The following CDH18 variants were observed in gnomAD, a reference collection of about 807,000 sequenced individuals.
CDH18 encodes the protein cadherin 18, also known as cadherin-18.
In CDH18, 31 loss-of-function variants were observed where a neutral mutation model predicts 67.9. The ratio of observed to expected loss-of-function variants is 0.46; its 90% CI spans 0.34 to 0.62. The LOEUF is 0.62. CDH18 is among the 20% of genes least tolerant of loss of function. The pLI is 0.01. For synonymous variants in CDH18, 362 were observed against 347.2 expected, an observed-to-expected ratio of 1.04 and a Z score of -0.48; for missense variants, 890 against 975.5, an observed-to-expected ratio of 0.91 and a Z score of 1.17.
At chr5:20,507,113 GC>G (rs1370111226) in intron 1 of CDH18, among the ~76,000 whole-genome samples, 1 of 152,202 alleles carries the variant, frequency 6.6e-6, no homozygotes, top group Non-Finnish European at 1.5e-5. Context: ...ATCTTTGTCA[GC>G]CATGTGAGAG....
intron 2 of CDH18, among the ~76,000 whole-genome samples, chr5:20,251,350 G>A (rs529953622): frequency 1.3e-5 from 2 of 152,070 alleles, no homozygotes; most frequent in East Asian, 3.9e-4. Context: ...CCATAATGAA[G>A]AATAATGCTC....
At position 20,484,084 on chromosome 5, in the gene CDH18, A is replaced by G. The variant is rs143284880; in HGVS notation, c.-580+91378T>C. Among the ~76,000 whole-genome samples the G allele has an allele frequency of 2.5e-3, 387 of 152,200 alleles. 1 individual carries two copies. Among genetic ancestry groups the G allele is most frequent in the African/African-American group, 9.1e-3 (378 of 41,562 alleles). On this transcript the variant is annotated intron_variant, in intron 1 of 14. Transcript: ENST00000507958. ...TATAAGAATAAACAACTCTATAGGAACAAATCTAAGAATCTGAATAAAAAT... is the reference window on the plus strand; with the variant it reads ...TATAAGAATAAACAACTCTATAGGAGCAAATCTAAGAATCTGAATAAAAAT...
intron 2 of CDH18, among the ~76,000 whole-genome samples, chr5:20,130,158 T>C (rs1289382817): frequency 6.6e-6 from 1 of 151,336 alleles, no homozygotes; most frequent in Non-Finnish European, 1.5e-5. Context: ...TCTATACAAA[T>C]ACTCAGATGT....
At chr5:20,526,119 C>T (rs565200408) in intron 1 of CDH18, among the ~76,000 whole-genome samples, 3 of 152,180 alleles carry the variant, frequency 2.0e-5, no homozygotes, top group Admixed American at 6.5e-5. Context: ...GTGGTATTCC[C>T]GACAGGGCAG....
chr5:20,247,015 T>G (rs2973200), intron 2 of CDH18, among the ~76,000 whole-genome samples: 1 of 151,990 alleles, frequency 6.6e-6, no homozygotes, highest in Non-Finnish European at 1.5e-5. Context: ...ACCCCTGATA[T>G]CCTTCTTTCT....
chr5:19,921,907 G>A lies in CDH18; in HGVS notation c.-257+59153C>T, dbSNP rs765660077. On this transcript the variant is annotated intron_variant, in intron 2 of 12. Coordinates refer to ENST00000382275, the MANE Select transcript of CDH18 (RefSeq NM_004934.5). ...AACCCATATAACCAAAGGCTAACTC[G>A]ATGATTTTTTTTTTTAAGTATAAAG... Among the ~76,000 whole-genome samples the A allele has an allele frequency of 1.3e-3, 197 of 150,662 alleles. 1 individual carries two copies. The Middle Eastern group carries it at 0.024, about 18-fold the overall frequency.
At chr5:20,381,081 C>T (rs1275957203) in intron 1 of CDH18, among the ~76,000 whole-genome samples, 1 of 152,018 alleles carries the variant, frequency 6.6e-6, no homozygotes, top group Non-Finnish European at 1.5e-5. Flanking sequence ...CACAGAGAAA[C>T]ACAGGCCATG....
intron 5 of CDH18, among the ~76,000 whole-genome samples, chr5:19,686,903 A>G (rs1761171146): frequency 6.6e-6 from 1 of 152,208 alleles, no homozygotes. Context: ...ACATTACAAC[A>G]CGGGAATAGT....
intron 5 of CDH18, among the ~76,000 whole-genome samples, chr5:19,671,102 G>A (rs1266389884): frequency 2.6e-5 from 4 of 151,940 alleles, no homozygotes; most frequent in Non-Finnish European, 4.4e-5. Context: ...GAGGTTTATA[G>A]GTAAGAAATA....
intron 6 of CDH18, among the ~76,000 whole-genome samples, chr5:19,601,850 C>T (rs968390938): frequency 4.6e-5 from 7 of 151,486 alleles, no homozygotes; most frequent in African/African-American, 1.7e-4. Context: ...AAAAAAATCA[C>T]AAGGTCATGT....
chr5:19,841,288 TC>T (rs1336892551), intron 2 of CDH18, among the ~76,000 whole-genome samples: 8 of 152,066 alleles, frequency 5.3e-5, no homozygotes, highest in African/African-American at 1.9e-4. Flanking sequence ...TTCAAAACTC[TC>T]CTAAAATATA....
At chr5:19,869,928 G>A (rs979154983) in intron 2 of CDH18, among the ~76,000 whole-genome samples, 11 of 152,018 alleles carry the variant, frequency 7.2e-5, no homozygotes, top group African/African-American at 2.7e-4. Flanking sequence ...CAATTTCAAA[G>A]TTATACAATT....
chr5:19,631,305 AAT>A (rs925460814), intron 5 of CDH18, among the ~76,000 whole-genome samples: 3 of 152,140 alleles, frequency 2.0e-5, no homozygotes, highest in Non-Finnish European at 4.4e-5. Flanking sequence ...GCAGTGGCAC[AAT>A]ATAAGTGAAA....
chr5:19,775,363 C>G (rs1774236018), intron 3 of CDH18, among the ~76,000 whole-genome samples: 1 of 152,186 alleles, frequency 6.6e-6, no homozygotes, highest in Non-Finnish European at 1.5e-5. Flanking sequence ...TATTTAATCG[C>G]TCCTGGTTCC....
intron 1 of CDH18, among the ~76,000 whole-genome samples, chr5:20,505,323 AAGTT>A (rs1209474420): frequency 1.3e-5 from 2 of 152,182 alleles, no homozygotes; most frequent in East Asian, 3.9e-4. Flanking sequence ...ATTTATGAAA[AAGTT>A]AGAAAGGACA....
chr5:20,389,165 C>G (rs947349328), intron 1 of CDH18, among the ~76,000 whole-genome samples: 1 of 152,050 alleles, frequency 6.6e-6, no homozygotes, highest in African/African-American at 2.4e-5. Flanking sequence ...TAAAGTCTCC[C>G]ACTATTATTG....
At chr5:19,937,980 A>G (rs944689530) in intron 2 of CDH18, among the ~76,000 whole-genome samples, 1 of 143,578 alleles carries the variant, frequency 7.0e-6, no homozygotes, top group African/African-American at 2.7e-5. Flanking sequence ...TATATAGTGT[A>G]TATAAATAGC....
chr5:20,552,155 T>C (rs953540435), intron 1 of CDH18, among the ~76,000 whole-genome samples: 1 of 151,628 alleles, frequency 6.6e-6, no homozygotes, highest in African/African-American at 2.4e-5. Context: ...CTCAGAAATG[T>C]GTGCAGAATT....
chr5:19,683,799 TC>T (rs1760673007), intron 5 of CDH18, among the ~76,000 whole-genome samples: 1 of 152,122 alleles, frequency 6.6e-6, no homozygotes, highest in Non-Finnish European at 1.5e-5. Context: ...TTAGGCACAT[TC>T]TTTAATCTTC....
Sources: gnomAD v4.1 joint callset for allele counts (sites outside exome capture counted in the v4.1 genomes callset) on GRCh38, gnomAD v4.1.1 for gene constraint, MANE v1.5 for transcripts, NCBI Gene and HGNC (gene_info 2026-07-23, HGNC 2026-07-21) for gene names.